SCMH1: variants seen among roughly 807,000 people sequenced by gnomAD.
The protein encoded by SCMH1 is polycomb protein SCMH1.
Under a neutral mutation model 70.8 loss-of-function variants are expected in SCMH1, and 37 were observed. The ratio of observed to expected loss-of-function variants is 0.52; its 90% confidence interval spans 0.40 to 0.69. The LOEUF is 0.69. Among genes scored for constraint, SCMH1 ranks in the 30% least tolerant of loss-of-function variants. The pLI is 0.00. For synonymous variants in SCMH1, 292 were observed against 307.4 expected (o/e 0.95, Z 0.52); for missense variants, 607 against 827.3 (o/e 0.73, Z 3.27).
chr1:41,241,742 C>T (rs1663606609), intron 1 of SCMH1, among the ~76,000 whole-genome samples: 2 of 152,004 alleles, frequency 1.3e-5, no homozygotes, highest in Admixed American at 6.5e-5. Flanking sequence ...AAAGGGCCCC[C>T]GGCCTTGGGT....
In SCMH1 at chr1:41,186,095, C is replaced by T. The variant is rs1295114608; in HGVS notation, c.13+26G>A. 3.9e-6 allele frequency: 6 copies of T among 1,546,804 alleles called. No homozygotes were observed. In the African/African-American group the frequency reaches 6.9e-5, roughly 18 times the overall value. On this transcript the variant is annotated intron_variant, in intron 2 of 14. Coordinates refer to ENST00000337495, the Ensembl canonical transcript of SCMH1. ...CTAGGTCTCTTAATCCCTCTTACCTCCACGATAGGGTAAAAAGATACTTAC... is the reference window on the plus strand; with the variant it reads ...CTAGGTCTCTTAATCCCTCTTACCTTCACGATAGGGTAAAAAGATACTTAC...
chr1:41,210,566 C>A (rs1326038752), intron 1 of SCMH1, among the ~76,000 whole-genome samples: 1 of 152,094 alleles, frequency 6.6e-6, no homozygotes, highest in Non-Finnish European at 1.5e-5. Flanking sequence ...CATCTACAAC[C>A]ATCTGATCTT....
chr1:41,218,796 T>C (rs1658634237), intron 1 of SCMH1, among the ~76,000 whole-genome samples: 1 of 152,230 alleles, frequency 6.6e-6, no homozygotes, highest in African/African-American at 2.4e-5. Context: ...TAAACCACTC[T>C]TAACCACTAC....
intron 13 of SCMH1, among the ~76,000 whole-genome samples, chr1:41,029,418 T>C (rs1644208403): frequency 6.6e-6 from 1 of 152,228 alleles, no homozygotes; most frequent in African/African-American, 2.4e-5. Context: ...CTGGCTGGTC[T>C]TGAATTCCTG....
chr1:41,176,060 C>T (rs1384069150), intron 2 of SCMH1, among the ~76,000 whole-genome samples: 1 of 150,344 alleles, frequency 6.7e-6, no homozygotes, highest in Non-Finnish European at 1.5e-5. Context: ...AAGGAAGCCA[C>T]AACAAATAGA....
intron 8 of SCMH1, among the ~76,000 whole-genome samples, chr1:41,092,424 G>A (rs1363622982): frequency 6.6e-6 from 1 of 151,982 alleles, no homozygotes; most frequent in Non-Finnish European, 1.5e-5. Context: ...AAAATCCTAG[G>A]AGAAAACCTA....
chr1:41,126,140 A>G (rs1673127927), intron 6 of SCMH1, among the ~76,000 whole-genome samples: 1 of 152,118 alleles, frequency 6.6e-6, no homozygotes, highest in South Asian at 2.1e-4. Flanking sequence ...CATTTGCTCT[A>G]TTTTCAATAT....
At chr1:41,054,010 A>T (rs1649294080) in intron 10 of SCMH1, among the ~76,000 whole-genome samples, 1 of 151,844 alleles carries the variant, frequency 6.6e-6, no homozygotes, top group African/African-American at 2.4e-5. Flanking sequence ...ACACCTGGCT[A>T]ATTTTTTGTA....
chr1:41,120,255 C>T (rs1671593653), intron 6 of SCMH1, among the ~76,000 whole-genome samples: 1 of 152,052 alleles, frequency 6.6e-6, no homozygotes, highest in Admixed American at 6.6e-5. Flanking sequence ...GCTAAAAAAT[C>T]CTCTCAGCTT....
intron 8 of SCMH1, among the ~76,000 whole-genome samples, chr1:41,079,334 GAACA>G (rs1170830955): frequency 3.7e-5 from 5 of 136,360 alleles, no homozygotes; most frequent in Admixed American, 2.1e-4. Context: ...AGGAATAAAT[GAACA>G]AACCAGACCA....
intron 2 of SCMH1, among the ~76,000 whole-genome samples, chr1:41,185,617 T>C (rs1169020186): frequency 6.6e-6 from 1 of 152,084 alleles, no homozygotes; most frequent in Non-Finnish European, 1.5e-5. Flanking sequence ...TTATTTCTCA[T>C]GTAGCCAAAT....
chr1:41,128,034 C>A (rs1673662438), intron 6 of SCMH1, among the ~76,000 whole-genome samples: 1 of 152,178 alleles, frequency 6.6e-6, no homozygotes, highest in Non-Finnish European at 1.5e-5. Context: ...AGCAAATTTT[C>A]ATATACAGTC....
At chr1:41,189,460 C>G (rs1651125466) in intron 1 of SCMH1, among the ~76,000 whole-genome samples, 1 of 152,134 alleles carries the variant, frequency 6.6e-6, no homozygotes, top group Admixed American at 6.6e-5. Flanking sequence ...CCGAGTATTT[C>G]CAGCACATCT....
At chr1:41,241,666 C>T (rs1231654596) in intron 1 of SCMH1, among the ~76,000 whole-genome samples, 8 of 152,010 alleles carry the variant, frequency 5.3e-5, no homozygotes, top group African/African-American at 1.9e-4. Context: ...CCAGCCTGCC[C>T]CGGCCCACCC....
chr1:41,049,606 T>TA (rs1396195689), intron 10 of SCMH1, among the ~76,000 whole-genome samples: 198 of 139,864 alleles, frequency 1.4e-3, no homozygotes, highest in Middle Eastern at 3.5e-3. Context: ...CCGTCTCTAT[T>TA]AAAAAAAAAA....
intron 8 of SCMH1, among the ~76,000 whole-genome samples, chr1:41,080,438 T>A (rs1045780862): frequency 6.6e-6 from 1 of 152,060 alleles, no homozygotes; most frequent in African/African-American, 2.4e-5. Flanking sequence ...AAAAAAACTA[T>A]AGACTAATAT....
intron 8 of SCMH1, among the ~76,000 whole-genome samples, chr1:41,087,050 C>A (rs1661917446): frequency 6.6e-6 from 1 of 151,940 alleles, no homozygotes; most frequent in African/African-American, 2.4e-5. Context: ...ACAGGCACAC[C>A]AATGGAATAG....
At chr1:41,219,790 G>C (rs1037874417) in intron 1 of SCMH1, among the ~76,000 whole-genome samples, 2 of 152,122 alleles carry the variant, frequency 1.3e-5, no homozygotes, top group African/African-American at 4.8e-5. Flanking sequence ...ACTTACCCGG[G>C]TATGGTGGCA....
intron 11 of SCMH1, 85 bp downstream of exon 11, chr1:41,048,605 G>C: frequency 1.6e-6 from 2 of 1,219,066 alleles, no homozygotes; most frequent in Non-Finnish European, 2.4e-6. Context: ...TATGAAGTGG[G>C]AACCAGGATG....
Sources: allele counts gnomAD v4.1 joint callset (sites outside exome capture counted in the v4.1 genomes callset), GRCh38; gene constraint gnomAD v4.1.1; transcripts MANE v1.5; gene names NCBI Gene and HGNC (gene_info 2026-07-23, HGNC 2026-07-21).